GALNT14: variants seen among roughly 807,000 people sequenced by gnomAD.
GALNT14 encodes UDP-GalNAc:polypeptide N-acetylgalactosaminyltransferase 14.
GALNT14 carries 60 observed loss-of-function variants against 77.5 expected under a neutral mutation model. That is an observed-to-expected ratio of 0.77 (90% CI 0.63 to 0.96). The LOEUF (loss-of-function observed/expected upper bound fraction) is 0.96, where lower values mean the gene tolerates loss of function less well. Among genes scored for constraint, GALNT14 ranks in the 40% least tolerant of loss-of-function variants. The probability of loss-of-function intolerance (pLI) is 0.00; values close to 1 mark genes in which losing one functional copy is unlikely to be tolerated. For missense variants in GALNT14, 710 were observed against 731.0 expected (o/e 0.97, Z 0.33); for synonymous variants, 280 against 281.7 (o/e 0.99, Z 0.06).
intron 6 of GALNT14, among the ~76,000 whole-genome samples, chr2:30,951,109 A>G (rs1386203149): frequency 6.6e-6 from 1 of 152,246 alleles, no homozygotes; most frequent in Non-Finnish European, 1.5e-5. Flanking sequence ...AAACTTGTAC[A>G]CAAATATTTA....
intron 1 of GALNT14, among the ~76,000 whole-genome samples, chr2:31,037,001 ACTT>A (rs775518658): frequency 2.0e-5 from 3 of 152,052 alleles, no homozygotes; most frequent in Non-Finnish European, 2.9e-5. Context: ...AGTCTGTTGA[ACTT>A]CTTCTATATG....
Position 30,910,673 on chromosome 2 carries a change from G to GA in GALNT14, c.*227dup. 4 of 496,638 alleles carry GA rather than the reference G, an allele frequency of 8.1e-6. No individual in the cohort carries two copies. Among genetic ancestry groups the GA allele is most frequent in the Non-Finnish European group, 1.4e-5 (4 of 281,028 alleles). The allele number at this position is 496,638 out of a possible 1,614,324, so 30.8% of individuals were successfully genotyped here. ...ATCAGGGAATGACTGGCCAGGACTG[G>GA]AACTTAACGGCCTTGAGAACATGTG... On this transcript the variant is annotated 3_prime_UTR_variant, in exon 15 of 15. Transcript: ENST00000349752.
intron 1 of GALNT14, among the ~76,000 whole-genome samples, chr2:31,136,311 C>T (rs910698917): frequency 6.6e-6 from 1 of 150,506 alleles, no homozygotes; most frequent in African/African-American, 2.5e-5. Flanking sequence ...TTATGCCAAA[C>T]TCACACAACG....
chr2:30,966,208 G>T lies in GALNT14; in HGVS notation c.394C>A (p.Arg132Ser). 1 of 1,613,674 alleles carries T rather than the reference G, an allele frequency of 6.2e-7. No individual in the cohort carries two copies. The highest frequency in any genetic ancestry group is 8.5e-7 in the Non-Finnish European group (1 of 1,179,642). ...AGACAAGCAAGGATGCCTCACCTGC[G>T]GATGGTCCTGAGCAGCGTGGAGCGG... Reference protein sequence around the residue: ...EARSTLLRTIRSVLNRTPTHL... With the variant: ...EARSTLLRTISSVLNRTPTHL... Residue 132 changes from arginine (R) to serine (S), a missense_variant, in exon 3 of 15, where the codon CGC (arginine) becomes AGC (serine). Transcript: ENST00000349752.
intron 1 of GALNT14, among the ~76,000 whole-genome samples, chr2:31,135,925 CAA>C (rs545629084): frequency 1.4e-4 from 21 of 152,266 alleles, no homozygotes; most frequent in Non-Finnish European, 2.6e-4. Context: ...GGAGGAGGGA[CAA>C]AGAGTGCACA....
intron 1 of GALNT14, among the ~76,000 whole-genome samples, chr2:31,082,460 G>A (rs1676202898): frequency 6.6e-6 from 1 of 152,208 alleles, no homozygotes; most frequent in Non-Finnish European, 1.5e-5. Context: ...CAGAGATCAG[G>A]ACAAGGCAGA....
At chr2:30,904,894 TCCCTGAC>T in the GALNT14 span, among the ~76,000 whole-genome samples, 2 of 151,800 alleles carry the variant, frequency 1.3e-5, no homozygotes, top group African/African-American at 2.4e-5. Context: ...CTCAAGTGGG[TCCCTGAC>T]CCCTGACCCC....
At chr2:31,007,589 T>C (rs1670759808) in intron 1 of GALNT14, among the ~76,000 whole-genome samples, 1 of 152,216 alleles carries the variant, frequency 6.6e-6, no homozygotes. Context: ...ACATCCACAG[T>C]GGCCTTCTTT....
rs1558442076 is a variant in GALNT14, at chr2:30,958,394, T to G, written c.466+3A>C. ...TAAAGAGCAAGTGAGCAACATGACT[T>G]ACGGTCATTGCTGAAGTCATCCACT... is the stretch of plus-strand genomic sequence containing the variant. On this transcript the variant is annotated splice_donor_region_variant and intron_variant, in intron 4 of 14. Coordinates refer to ENST00000349752, the MANE Select transcript of GALNT14 (RefSeq NM_024572.4). 6.2e-7 allele frequency: 1 copy of G among 1,613,392 alleles called. No individual in the cohort carries two copies. Among genetic ancestry groups the G allele is most frequent in the Admixed American group, 1.7e-5 (1 of 60,016 alleles).
chr2:31,013,773 A>G (rs1444741154), intron 1 of GALNT14, among the ~76,000 whole-genome samples: 4 of 152,224 alleles, frequency 2.6e-5, no homozygotes, highest in Non-Finnish European at 5.9e-5. Flanking sequence ...CATGCAGTCA[A>G]TGAAGAGGTG....
chr2:30,945,590 T>A (rs1321983806), intron 7 of GALNT14, among the ~76,000 whole-genome samples, 193 bp downstream of exon 7: 1 of 152,128 alleles, frequency 6.6e-6, no homozygotes, highest in Non-Finnish European at 1.5e-5. Flanking sequence ...GCTGGGAGCA[T>A]CCTGCCCACC....
chr2:31,000,636 C>T (rs1245161107), intron 1 of GALNT14, among the ~76,000 whole-genome samples: 3 of 152,182 alleles, frequency 2.0e-5, no homozygotes, highest in Non-Finnish European at 4.4e-5. Context: ...GGCAGAATTC[C>T]TTCTTGCTTG....
At chr2:30,919,995 C>T (rs1226728368) in intron 13 of GALNT14, among the ~76,000 whole-genome samples, 1 of 152,068 alleles carries the variant, frequency 6.6e-6, no homozygotes, top group Non-Finnish European at 1.5e-5. Flanking sequence ...TTGAAACTGG[C>T]CAAGAAGAAG....
chr2:30,968,186 G>A (rs1668126426), intron 2 of GALNT14, among the ~76,000 whole-genome samples: 1 of 152,216 alleles, frequency 6.6e-6, no homozygotes, highest in Non-Finnish European at 1.5e-5. Flanking sequence ...CTAGAACAGG[G>A]TTTAAGTATA....
At chr2:30,958,316 C>T (rs1410240842) in intron 4 of GALNT14, 81 bp downstream of exon 4, 3 of 1,236,266 alleles carry the variant, frequency 2.4e-6, no homozygotes, top group Admixed American at 1.8e-5. Context: ...CCCAGAAAAC[C>T]AGTGGACTCA....
At chr2:31,118,842 T>G (rs1678245135) in intron 1 of GALNT14, among the ~76,000 whole-genome samples, 1 of 152,108 alleles carries the variant, frequency 6.6e-6, no homozygotes, top group Non-Finnish European at 1.5e-5. Context: ...AATAAGAAAA[T>G]TCTGGTAAAA....
chr2:31,137,971 AC>A lies in GALNT14; in HGVS notation c.115del (p.Val39CysfsTer24). 1 of 1,613,258 alleles carries A rather than the reference AC, an allele frequency of 6.2e-7. No individual in the cohort carries two copies. Among genetic ancestry groups the A allele is most frequent in the Non-Finnish European group, 8.5e-7 (1 of 1,179,558 alleles). ...CAAGCCGCCTACCTTAGGGGTCTGC[AC>A]TTCAGGTCCCGTCGGCACCTCCAAC... ...RKLEVPTGPE[V>X]QTPKPSDADW... On this transcript the variant is annotated frameshift_variant, in exon 1 of 15. Coordinates refer to ENST00000349752, the MANE Select transcript of GALNT14 (RefSeq NM_024572.4). LOFTEE classifies it high-confidence loss of function.
At chr2:31,137,773 C>T (rs1679294029) in intron 1 of GALNT14, among the ~76,000 whole-genome samples, 185 bp downstream of exon 1, 1 of 152,158 alleles carries the variant, frequency 6.6e-6, no homozygotes, top group South Asian at 2.1e-4. Flanking sequence ...ACCGCGGGTC[C>T]GGAGATGCCC....
chr2:30,993,294 G>A (rs1669830529), intron 1 of GALNT14, among the ~76,000 whole-genome samples: 1 of 152,216 alleles, frequency 6.6e-6, no homozygotes, highest in Non-Finnish European at 1.5e-5. Flanking sequence ...TGAGAGGGAT[G>A]CTGTGCATAC....
Sources: gnomAD v4.1 joint callset for allele counts (sites outside exome capture counted in the v4.1 genomes callset) on GRCh38, gnomAD v4.1.1 for gene constraint, MANE v1.5 for transcripts, NCBI Gene and HGNC (gene_info 2026-07-23, HGNC 2026-07-21) for gene names.